NPAS3: variants seen among roughly 807,000 people sequenced by gnomAD.
The protein encoded by NPAS3 is neuronal PAS domain protein 3.
A neutral mutation model predicts 73.1 loss-of-function variants in NPAS3; 14 were observed. That is an observed-to-expected ratio of 0.19 (90% CI 0.13 to 0.30). The LOEUF (loss-of-function observed/expected upper bound fraction) is 0.30, where lower values mean the gene tolerates loss of function less well. NPAS3 is among the 10% of genes least tolerant of loss of function. The probability of loss-of-function intolerance (pLI) is 1.00; values close to 1 mark genes in which losing one functional copy is unlikely to be tolerated. For synonymous variants in NPAS3, 620 were observed against 541.5 expected (o/e 1.14, Z -2.01); for missense variants, 1,096 against 1,250.0 (o/e 0.88, Z 1.86).
At chr14:33,466,140 T>C (rs1185643903) in intron 4 of NPAS3, among the ~76,000 whole-genome samples, 1 of 151,960 alleles carries the variant, frequency 6.6e-6, no homozygotes, top group Non-Finnish European at 1.5e-5. Flanking sequence ...TATTACACTG[T>C]GTGGGAGAGA....
At chr14:33,097,224 G>C (rs565715565) in intron 2 of NPAS3, among the ~76,000 whole-genome samples, 2 of 150,144 alleles carry the variant, frequency 1.3e-5, no homozygotes, top group South Asian at 4.2e-4. Flanking sequence ...CAAAAAAATT[G>C]GTAAAAAAAA....
intron 7 of NPAS3, among the ~76,000 whole-genome samples, chr14:33,754,724 C>G (rs1034393932): frequency 6.6e-6 from 1 of 152,018 alleles, no homozygotes. Flanking sequence ...CAAAATCTTT[C>G]AAGATTCTCT....
intron 2 of NPAS3, among the ~76,000 whole-genome samples, chr14:33,091,169 A>G (rs1365433648): frequency 6.6e-6 from 1 of 152,212 alleles, no homozygotes; most frequent in Non-Finnish European, 1.5e-5. Context: ...TAGAGACACA[A>G]AAAACTATTC....
chr14:33,059,210 T>C (rs573136277), intron 2 of NPAS3, among the ~76,000 whole-genome samples: 1 of 152,358 alleles, frequency 6.6e-6, no homozygotes, highest in Non-Finnish European at 1.5e-5. Flanking sequence ...TCTATGGTTT[T>C]ATAATTATTT....
At chr14:33,393,767 G>A (rs2047107212) in intron 4 of NPAS3, among the ~76,000 whole-genome samples, 1 of 152,118 alleles carries the variant, frequency 6.6e-6, no homozygotes, top group Admixed American at 6.6e-5. Flanking sequence ...GCTCTCAGGG[G>A]ATCTCTGGTC....
chr14:33,078,125 CA>C (rs2041732930), intron 2 of NPAS3, among the ~76,000 whole-genome samples: 3 of 150,878 alleles, frequency 2.0e-5, no homozygotes, highest in Admixed American at 2.0e-4. Context: ...GGCAACAGAG[CA>C]AGACTGTTTC....
chr14:33,467,576 A>C (rs78329262), intron 4 of NPAS3, among the ~76,000 whole-genome samples: 374 of 152,330 alleles, frequency 2.5e-3, no homozygotes, highest in African/African-American at 7.2e-3. Context: ...ATCTGTTTCC[A>C]GAATGTAGCT....
At chr14:33,546,907 A>T (rs2054871752) in intron 4 of NPAS3, among the ~76,000 whole-genome samples, 1 of 152,198 alleles carries the variant, frequency 6.6e-6, no homozygotes, top group African/African-American at 2.4e-5. Flanking sequence ...CTTGTGGGTC[A>T]TGTCTGTGTG....
intron 6 of NPAS3, among the ~76,000 whole-genome samples, chr14:33,697,124 A>T (rs891667881): frequency 3.9e-5 from 6 of 152,234 alleles, no homozygotes; most frequent in Non-Finnish European, 5.9e-5. Context: ...CTTCAACTTT[A>T]GAGTGCAGGA....
At chr14:33,564,271 C>T (rs1301583878) in intron 5 of NPAS3, among the ~76,000 whole-genome samples, 1 of 152,018 alleles carries the variant, frequency 6.6e-6, no homozygotes, top group East Asian at 1.9e-4. Flanking sequence ...TCCAGTAAAC[C>T]ATCAAAAATG....
intron 4 of NPAS3, among the ~76,000 whole-genome samples, chr14:33,368,482 G>A (rs920792094): frequency 6.6e-6 from 1 of 152,080 alleles, no homozygotes. Flanking sequence ...CCAGGAATTT[G>A]TGGTTTTTAA....
chr14:33,067,295 A>G (rs1195757761), intron 2 of NPAS3, among the ~76,000 whole-genome samples: 3 of 152,206 alleles, frequency 2.0e-5, no homozygotes, highest in Non-Finnish European at 2.9e-5. Flanking sequence ...CCATAGAAAA[A>G]TTGAGGTTTG....
chr14:33,275,277 T>C (rs1454099846), intron 3 of NPAS3, among the ~76,000 whole-genome samples: 3 of 152,182 alleles, frequency 2.0e-5, no homozygotes, highest in Admixed American at 1.3e-4. Context: ...TATTACTCGT[T>C]AGCCACTTAA....
intron 1 of NPAS3, among the ~76,000 whole-genome samples, chr14:32,973,619 T>C (rs1276341236): frequency 1.3e-5 from 2 of 148,190 alleles, no homozygotes; most frequent in African/African-American, 4.9e-5. Flanking sequence ...CACTGCAACC[T>C]CCCCTTCCCG....
At chr14:33,631,469 C>T (rs895229004) in intron 5 of NPAS3, among the ~76,000 whole-genome samples, 4 of 152,134 alleles carry the variant, frequency 2.6e-5, no homozygotes, top group African/African-American at 4.8e-5. Context: ...TGCCATTAGC[C>T]GTACCAGTTT....
intron 3 of NPAS3, among the ~76,000 whole-genome samples, chr14:33,225,039 C>T (rs1431436955): frequency 6.6e-6 from 1 of 152,140 alleles, no homozygotes; most frequent in Admixed American, 6.5e-5. Context: ...CAAATGGAAA[C>T]TTGTTATTTC....
At chr14:32,975,615 A>G (rs575179383) in intron 1 of NPAS3, among the ~76,000 whole-genome samples, 1 of 152,348 alleles carries the variant, frequency 6.6e-6, no homozygotes, top group Non-Finnish European at 1.5e-5. Flanking sequence ...TCATTAGACC[A>G]GTGTGATTGA....
chr14:33,362,718 C>T (rs2045661255), intron 3 of NPAS3, among the ~76,000 whole-genome samples: 1 of 152,098 alleles, frequency 6.6e-6, no homozygotes, highest in Admixed American at 6.5e-5. Context: ...CCAGGCGTTC[C>T]TGAGATACTA....
At chr14:33,531,191 T>C (rs2140176044) in intron 4 of NPAS3, among the ~76,000 whole-genome samples, 1 of 152,206 alleles carries the variant, frequency 6.6e-6, no homozygotes, top group Middle Eastern at 3.4e-3. Flanking sequence ...GGTCTTAAAA[T>C]AGGCTGTACT....
Sources: gnomAD v4.1 joint callset for allele counts (sites outside exome capture counted in the v4.1 genomes callset) on GRCh38, gnomAD v4.1.1 for gene constraint, MANE v1.5 for transcripts, NCBI Gene and HGNC (gene_info 2026-07-23, HGNC 2026-07-21) for gene names.